The following NEK7 variants were observed in gnomAD, a reference collection of about 807,000 sequenced individuals.
The protein encoded by NEK7 is serine/threonine-protein kinase Nek7.
NEK7 carries 18 observed loss-of-function variants against 44.6 expected under a neutral mutation model. That is an observed-to-expected ratio of 0.40 (90% CI 0.28 to 0.60). The LOEUF (loss-of-function observed/expected upper bound fraction) is 0.60, where lower values mean the gene tolerates loss of function less well. Among genes scored for constraint, NEK7 ranks in the 20% least tolerant of loss-of-function variants. NEK7 has a pLI of 0.38. For synonymous variants in NEK7, 130 were observed against 121.1 expected (o/e 1.07, Z -0.48); for missense variants, 256 against 366.5 (o/e 0.70, Z 2.46).
chr1:198,223,839 A>G (rs78393204), intron 1 of NEK7, among the ~76,000 whole-genome samples: 4,327 of 152,230 alleles, frequency 0.028, 197 homozygotes, highest in African/African-American at 0.098. Context: ...TTTTAATGGT[A>G]TAATGAAATA....
At chr1:198,192,986 A>C (rs1323590041) in intron 1 of NEK7, among the ~76,000 whole-genome samples, 1 of 152,064 alleles carries the variant, frequency 6.6e-6, no homozygotes, top group Non-Finnish European at 1.5e-5. Flanking sequence ...GAAGACAGAG[A>C]CATGAAAAAC....
chr1:198,279,023 G>A lies in NEK7; in HGVS notation c.551G>A (p.Arg184Gln), dbSNP rs1208590623. ...AAACTTGGAGATCTTGGGCTTGGCC[G>A]GTTTTTCAGCTCAAAAACCACAGCT... is the stretch of plus-strand genomic sequence containing the variant. Reference protein sequence around the residue: ...VVKLGDLGLGRFFSSKTTAAH... With the variant: ...VVKLGDLGLGQFFSSKTTAAH... The change falls in exon 7 of 10, where the codon CGG (arginine) becomes CAG (glutamine). Residue 184 changes from arginine (R) to glutamine (Q), a missense_variant. Coordinates refer to ENST00000367385, the MANE Select transcript of NEK7 (RefSeq NM_133494.3). The A allele has an allele frequency of 1.2e-6, 2 of 1,610,356 alleles. No homozygotes were observed. The highest frequency in any genetic ancestry group is 1.3e-5 in the African/African-American group (1 of 74,754).
intron 2 of NEK7, among the ~76,000 whole-genome samples, chr1:198,240,151 A>G (rs1000166433): frequency 2.0e-5 from 3 of 152,354 alleles, no homozygotes; most frequent in Non-Finnish European, 4.4e-5. Context: ...ATTTTAGAAA[A>G]TGACTGTGTG....
At chr1:198,168,947 G>A (rs1197604722) in intron 1 of NEK7, among the ~76,000 whole-genome samples, 2 of 152,168 alleles carry the variant, frequency 1.3e-5, no homozygotes, top group African/African-American at 4.8e-5. Context: ...GAACATATGG[G>A]AAAGGAATAT....
intron 5 of NEK7, 139 bp from the exon 6 acceptor site, chr1:198,277,822 C>T: frequency 1.7e-6 from 1 of 571,728 alleles, no homozygotes; most frequent in Non-Finnish European, 3.1e-6. Flanking sequence ...GGAATAATTT[C>T]AGTATAAAGA....
chr1:198,167,895 A>T (rs2102711112), intron 1 of NEK7, among the ~76,000 whole-genome samples: 1 of 152,312 alleles, frequency 6.6e-6, no homozygotes, highest in South Asian at 2.1e-4. Context: ...AGTGACAGGC[A>T]CTTGAGTCCC....
intron 1 of NEK7, among the ~76,000 whole-genome samples, chr1:198,186,713 T>C (rs1457423407): frequency 1.3e-5 from 2 of 152,166 alleles, no homozygotes; most frequent in African/African-American, 4.8e-5. Context: ...AGATATGCTG[T>C]CAGGTGCTGA....
chr1:198,202,178 A>G (rs1007051812), intron 1 of NEK7, among the ~76,000 whole-genome samples: 1 of 152,032 alleles, frequency 6.6e-6, no homozygotes, highest in Admixed American at 6.5e-5. Context: ...CATTAGTTAC[A>G]CTGGCTTAGG....
intron 2 of NEK7, among the ~76,000 whole-genome samples, chr1:198,236,768 G>C (rs1379884894): frequency 6.6e-6 from 1 of 152,082 alleles, no homozygotes; most frequent in Non-Finnish European, 1.5e-5. Context: ...CCTCTACTGG[G>C]TCCGTGCTAC....
intron 9 of NEK7, among the ~76,000 whole-genome samples, chr1:198,303,453 G>C (rs904140636): frequency 2.6e-5 from 4 of 151,354 alleles, no homozygotes; most frequent in African/African-American, 7.3e-5. Flanking sequence ...CATGACCTTT[G>C]TTTTGGTTCA....
chr1:198,319,496 A>G lies in NEK7; in HGVS notation c.883A>G (p.Met295Val). ...CTATGTTTATGACGTAGCAAAGAGG[A>G]TGCATGCATGCACTGCAAGCAGCTA... ...VTYVYDVAKR[M>V]HACTASS is the part of the protein sequence containing the mutation. The change falls in exon 10 of 10, where the codon ATG becomes GTG. Residue 295 changes from methionine (M) to valine (V), a missense_variant. Coordinates refer to ENST00000367385, the MANE Select transcript of NEK7 (RefSeq NM_133494.3). The G allele has an allele frequency of 6.2e-7, 1 of 1,611,452 alleles. No individual in the cohort carries two copies.
At chr1:198,161,460 G>A (rs1664104231) in intron 1 of NEK7, among the ~76,000 whole-genome samples, 1 of 152,196 alleles carries the variant, frequency 6.6e-6, no homozygotes, top group Non-Finnish European at 1.5e-5. Flanking sequence ...CCCCACTCTA[G>A]AAAATAATAC....
At chr1:198,229,550 C>G (rs1320644782) in intron 1 of NEK7, among the ~76,000 whole-genome samples, 1 of 152,090 alleles carries the variant, frequency 6.6e-6, no homozygotes, top group Non-Finnish European at 1.5e-5. Context: ...CTGTTGCTAT[C>G]TCCAGGAAGA....
chr1:198,191,831 G>A (rs1665081742), intron 1 of NEK7, among the ~76,000 whole-genome samples: 1 of 152,046 alleles, frequency 6.6e-6, no homozygotes, highest in Non-Finnish European at 1.5e-5. Flanking sequence ...ACGTGTGTAT[G>A]TATTTATTGA....
intron 7 of NEK7, among the ~76,000 whole-genome samples, chr1:198,281,986 A>G (rs1451562819): frequency 6.6e-6 from 1 of 152,112 alleles, no homozygotes; most frequent in Non-Finnish European, 1.5e-5. Flanking sequence ...TGAAAATTAC[A>G]AATACTAAAT....
intron 1 of NEK7, among the ~76,000 whole-genome samples, chr1:198,209,043 ATATATATATATATATACACAC>A (rs1665684847): frequency 2.3e-5 from 1 of 43,556 alleles, no homozygotes; most frequent in African/African-American, 3.4e-4. Flanking sequence ...GTGTGTATAT[ATATATATATATATATACACAC>A]ACACATACGC....
At chr1:198,206,679 T>TA (rs902708980) in intron 1 of NEK7, among the ~76,000 whole-genome samples, 28 of 151,370 alleles carry the variant, frequency 1.8e-4, no homozygotes, top group East Asian at 1.9e-4. Flanking sequence ...CAAAAAGATT[T>TA]AAAAAAAAAG....
intron 2 of NEK7, among the ~76,000 whole-genome samples, chr1:198,250,391 A>G (rs1027205750): frequency 6.6e-6 from 1 of 152,122 alleles, no homozygotes; most frequent in African/African-American, 2.4e-5. Context: ...ATGAACTTTA[A>G]AGCAGTTTTT....
chr1:198,272,873 G>A (rs373838036), intron 5 of NEK7, among the ~76,000 whole-genome samples: 1 of 151,730 alleles, frequency 6.6e-6, no homozygotes. Flanking sequence ...GGAGGCAACT[G>A]TTTTGGGGAA....
Sources: allele counts gnomAD v4.1 joint callset (sites outside exome capture counted in the v4.1 genomes callset), GRCh38; gene constraint gnomAD v4.1.1; transcripts MANE v1.5; gene names NCBI Gene and HGNC (gene_info 2026-07-23, HGNC 2026-07-21).